Variants in CRACD observed in about 807,000 individuals in gnomAD.
CRACD encodes the protein capping protein inhibiting regulator of actin dynamics, also known as capping protein-inhibiting regulator of actin dynamics.
In CRACD, 56 loss-of-function variants were observed where a neutral mutation model predicts 106.8. That is an observed-to-expected ratio of 0.52 (90% CI 0.42 to 0.66). The LOEUF is 0.66. Among genes scored for constraint, CRACD ranks in the 30% least tolerant of loss-of-function variants. The pLI is 0.00. For synonymous variants in CRACD, 754 were observed against 670.8 expected, an observed-to-expected ratio of 1.12 and a Z score of -1.92; for missense variants, 1,730 against 1,623.2, an observed-to-expected ratio of 1.07 and a Z score of -1.13.
intron 2 of CRACD, among the ~76,000 whole-genome samples, chr4:56,185,811 G>A (rs1434734293): frequency 6.6e-6 from 1 of 152,190 alleles, no homozygotes; most frequent in African/African-American, 2.4e-5. Flanking sequence ...CTGAACTTCA[G>A]TTTATCCCAT....
chr4:56,125,642 C>T (rs1377272020), intron 1 of CRACD, among the ~76,000 whole-genome samples: 2 of 151,980 alleles, frequency 1.3e-5, no homozygotes, highest in East Asian at 1.9e-4. Flanking sequence ...GTCTTGCATT[C>T]TTAGCCTCAA....
chr4:56,272,485 A>T lies in CRACD; in HGVS notation c.-24A>T, dbSNP rs1742413978. The T allele has an allele frequency of 6.6e-6, 1 of 152,630 alleles. No homozygotes were observed. The allele number at this position is 152,630 out of a possible 1,614,324, so 9.5% of individuals were successfully genotyped here. On this transcript the variant is annotated 5_prime_UTR_variant, in exon 3 of 11. Transcript: ENST00000682029. Reference sequence around the variant, plus strand: ...TTCGGATGAGGAGACCCTGGAAGACAATCTAAGGTAATAACTTGCACTTTC... The same window carrying T: ...TTCGGATGAGGAGACCCTGGAAGACTATCTAAGGTAATAACTTGCACTTTC...
chr4:56,288,196 TC>T (rs1488395873), intron 3 of CRACD, among the ~76,000 whole-genome samples: 3 of 152,192 alleles, frequency 2.0e-5, no homozygotes, highest in Non-Finnish European at 4.4e-5. Flanking sequence ...CTTAATTTCC[TC>T]CTCTTCTTCT....
chr4:56,052,015 T>C (rs1731895291), intron 1 of CRACD, among the ~76,000 whole-genome samples: 1 of 152,242 alleles, frequency 6.6e-6, no homozygotes, highest in Admixed American at 6.5e-5. Context: ...CTAATTTTTA[T>C]TTTCATTATT....
chr4:56,310,726 G>C lies in CRACD; in HGVS notation c.346G>C (p.Glu116Gln), dbSNP rs754448565. 2.1e-5 allele frequency: 33 copies of C among 1,603,214 alleles called. 2 individuals are homozygous for C. The South Asian group carries it at 3.5e-4, about 17-fold the overall frequency. The change falls in exon 6 of 11, where the codon GAA becomes CAA. Residue 116 changes from glutamate to glutamine, a missense_variant. By Grantham distance (29) the Glu-to-Gln change is conservative. Coordinates refer to ENST00000682029, the MANE Select transcript of CRACD (RefSeq NM_001393381.1). ...LNLPGAGSEM[E>Q]EKVAPVKPSR... Reference sequence around the variant, plus strand: ...TCTCCCTGGAGCTGGAAGTGAGATGGAAGAGAAGGTAATATGATTTGAACT... The same window carrying C: ...TCTCCCTGGAGCTGGAAGTGAGATGCAAGAGAAGGTAATATGATTTGAACT...
chr4:56,230,436 C>T (rs140643), intron 2 of CRACD, among the ~76,000 whole-genome samples: 67,771 of 151,942 alleles, frequency 0.45, 15,766 homozygotes, highest in Non-Finnish European at 0.51. Flanking sequence ...GTGGTGGCCC[C>T]GGTGGAGGAC....
At chr4:56,116,790 C>G (rs1734301218) in intron 1 of CRACD, among the ~76,000 whole-genome samples, 3 of 151,996 alleles carry the variant, frequency 2.0e-5, no homozygotes, top group Admixed American at 1.3e-4. Flanking sequence ...TCAGTGCAGC[C>G]TCCGCCTCCT....
chr4:56,295,554 CAG>C (rs968489322), intron 3 of CRACD, among the ~76,000 whole-genome samples: 3 of 151,292 alleles, frequency 2.0e-5, no homozygotes, highest in Admixed American at 6.6e-5. Context: ...AAAAATAAAT[CAG>C]GGGGATAGAC....
At chr4:56,204,712 G>A (rs1315437603) in intron 2 of CRACD, among the ~76,000 whole-genome samples, 1 of 150,826 alleles carries the variant, frequency 6.6e-6, no homozygotes, top group Non-Finnish European at 1.5e-5. Flanking sequence ...GAAATAAAAA[G>A]AGCAAAGTGG....
intron 1 of CRACD, among the ~76,000 whole-genome samples, chr4:56,117,675 G>A (rs1353707581): frequency 2.6e-5 from 4 of 152,000 alleles, no homozygotes; most frequent in Admixed American, 2.6e-4. Context: ...TGGTTAAGAT[G>A]GTAACTTTTA....
intron 3 of CRACD, among the ~76,000 whole-genome samples, chr4:56,280,706 T>A (rs972674672): frequency 2.0e-5 from 3 of 152,230 alleles, no homozygotes; most frequent in Admixed American, 6.5e-5. Flanking sequence ...ATTCATCTAA[T>A]TTGGCCTCCA....
Position 56,315,709 on chromosome 4 carries a change from C to A in CRACD, c.2207C>A (p.Ser736Tyr). 3.7e-6 allele frequency: 6 copies of A among 1,614,212 alleles called. 1 individual carries two copies. The South Asian group carries it at 5.5e-5, about 15-fold the overall frequency. The change falls in exon 8 of 11, where the codon TCC becomes TAC. Residue 736 changes from serine to tyrosine, a missense_variant. By Grantham distance (144) the Ser-to-Tyr change is moderately radical (BLOSUM62 -2). Transcript: ENST00000682029. This position sits in a 1 kb window ranked among gnomAD's most constrained non-coding sequence, Gnocchi z 4.1. Reference protein sequence around the residue: ...QKFSDGGTETSKQSTEAESIR... With the variant: ...QKFSDGGTETYKQSTEAESIR... ...TTTTCCGATGGTGGCACGGAGACCT[C>A]CAAACAGAGCACGGAAGCTGAAAGC... is the stretch of plus-strand genomic sequence containing the variant.
intron 2 of CRACD, among the ~76,000 whole-genome samples, chr4:56,192,682 GA>G (rs954993291): frequency 3.3e-5 from 5 of 151,318 alleles, no homozygotes; most frequent in African/African-American, 9.7e-5. Context: ...CTTTGGGAAA[GA>G]AAAAAAACCA....
chr4:56,129,941 A>G (rs1037171494), intron 1 of CRACD, among the ~76,000 whole-genome samples: 1 of 152,200 alleles, frequency 6.6e-6, no homozygotes, highest in Admixed American at 6.5e-5. Flanking sequence ...TTTCAGCAGA[A>G]CATAACTTAC....
At chr4:56,229,920 A>T (rs1739515453) in intron 2 of CRACD, among the ~76,000 whole-genome samples, 1 of 152,226 alleles carries the variant, frequency 6.6e-6, no homozygotes, top group Non-Finnish European at 1.5e-5. Context: ...TTAATGATGG[A>T]AAAACAACTA....
At chr4:56,063,602 C>G (rs1392868949) in intron 1 of CRACD, among the ~76,000 whole-genome samples, 2 of 152,046 alleles carry the variant, frequency 1.3e-5, no homozygotes, top group African/African-American at 2.4e-5. Context: ...GTGAATTTGC[C>G]TATTGTATAA....
At chr4:56,324,709 C>T (rs1418096767) in intron 10 of CRACD, among the ~76,000 whole-genome samples, 1 of 152,100 alleles carries the variant, frequency 6.6e-6, no homozygotes, top group African/African-American at 2.4e-5. Context: ...ACCTTCTAAA[C>T]AAGAGAAAAG....
intron 2 of CRACD, among the ~76,000 whole-genome samples, chr4:56,245,407 A>T (rs966883036): frequency 6.6e-6 from 1 of 152,188 alleles, no homozygotes; most frequent in African/African-American, 2.4e-5. Context: ...CTTTTGTCAC[A>T]TGCCAAAAAA....
At chr4:56,306,824 G>T (rs953798403) in intron 4 of CRACD, among the ~76,000 whole-genome samples, 1 of 152,106 alleles carries the variant, frequency 6.6e-6, no homozygotes, top group Non-Finnish European at 1.5e-5. Flanking sequence ...TTCCCCATTT[G>T]GTTCCTCTGT....
Sources: gnomAD v4.1 joint callset for allele counts (sites outside exome capture counted in the v4.1 genomes callset) on GRCh38, gnomAD v4.1.1 for gene constraint, Gnocchi (gnomAD v3.1) non-coding constraint, MANE v1.5 for transcripts, NCBI Gene and HGNC (gene_info 2026-07-23, HGNC 2026-07-21) for gene names.